The following PHF20 variants were observed in gnomAD, a reference collection of about 807,000 sequenced individuals.
PHF20 encodes glioma-expressed antigen 2.
In PHF20, 23 loss-of-function variants were observed where a neutral mutation model predicts 113.5. That is an observed-to-expected ratio of 0.20 (90% CI 0.15 to 0.29). The LOEUF (loss-of-function observed/expected upper bound fraction) is 0.29, where lower values mean the gene tolerates loss of function less well. Among genes scored for constraint, PHF20 ranks in the 10% least tolerant of loss-of-function variants. The pLI, the probability that PHF20 is intolerant of heterozygous loss-of-function variation, is 1.00. For synonymous variants in PHF20, 434 were observed against 457.3 expected (o/e 0.95, Z 0.65); for missense variants, 943 against 1,219.6 (o/e 0.77, Z 3.38).
intron 4 of PHF20, among the ~76,000 whole-genome samples, chr20:35,851,454 G>A (rs536489488): frequency 9.9e-5 from 15 of 152,160 alleles, no homozygotes; most frequent in African/African-American, 3.6e-4. Flanking sequence ...TTTGAAATGT[G>A]GGGAGGCTGA....
chr20:35,774,510 C>G (rs568632529), intron 1 of PHF20: 1 of 152,354 alleles, frequency 6.6e-6, no homozygotes, highest in South Asian at 2.1e-4. Context: ...GCTTCTCAGC[C>G]TGAACCCCCA....
At chr20:35,881,266 C>T (rs1269087983) in intron 9 of PHF20, among the ~76,000 whole-genome samples, 6 of 151,930 alleles carry the variant, frequency 3.9e-5, no homozygotes, top group Non-Finnish European at 7.4e-5. Context: ...CCATGTTGGC[C>T]AGGCTAGTCT....
intron 1 of PHF20, among the ~76,000 whole-genome samples, chr20:35,786,243 T>C (rs7275129): frequency 0.049 from 7,246 of 148,066 alleles, 212 homozygotes; most frequent in African/African-American, 0.092. Context: ...AAAAAAAAAT[T>C]AGTTGGGTGT....
At chr20:35,805,800 A>G (rs1294889924) in intron 2 of PHF20, among the ~76,000 whole-genome samples, 1 of 151,988 alleles carries the variant, frequency 6.6e-6, no homozygotes, top group Non-Finnish European at 1.5e-5. Flanking sequence ...TAACTGAAAC[A>G]CAAATTTTAT....
chr20:35,844,318 G>A (rs1043470411), intron 3 of PHF20, among the ~76,000 whole-genome samples: 4 of 151,528 alleles, frequency 2.6e-5, no homozygotes, highest in African/African-American at 9.7e-5. Context: ...TAGCCATGAT[G>A]GTCTCGATTT....
intron 2 of PHF20, among the ~76,000 whole-genome samples, chr20:35,820,403 A>G (rs1465551695): frequency 6.6e-6 from 1 of 151,666 alleles, no homozygotes; most frequent in Non-Finnish European, 1.5e-5. Flanking sequence ...ATATATATAG[A>G]TAATGTTAGG....
intron 2 of PHF20, among the ~76,000 whole-genome samples, chr20:35,815,038 A>G (rs2042046988): frequency 6.6e-6 from 1 of 151,360 alleles, no homozygotes; most frequent in South Asian, 2.1e-4. Context: ...TCTACTAAAA[A>G]TACAAAAATT....
chr20:35,837,712 T>C (rs1306044190), intron 2 of PHF20, among the ~76,000 whole-genome samples: 3 of 152,186 alleles, frequency 2.0e-5, no homozygotes, highest in Admixed American at 2.0e-4. Context: ...CCAGAACACA[T>C]GTTTGTATAA....
rs2055290750 is a variant in PHF20, at chr20:35,911,052, A to AT, written c.1562-2191dup. On this transcript the variant is annotated intron_variant, in intron 10 of 17. Transcript: ENST00000374012. ...TGTTCGTACCTTTTTTTCTATTTTTATTTTTTGAGACGGAGTCTTGCACTG... is the reference window on the plus strand; with the variant it reads ...TGTTCGTACCTTTTTTTCTATTTTTATTTTTTTGAGACGGAGTCTTGCACTG... Among the ~76,000 whole-genome samples, 3 of 149,888 alleles carry AT rather than the reference A, an allele frequency of 2.0e-5. No individual in the cohort carries two copies. In the South Asian group the frequency reaches 6.4e-4, roughly 32 times the overall value.
chr20:35,825,894 C>T (rs916831172), intron 2 of PHF20, among the ~76,000 whole-genome samples: 10 of 152,090 alleles, frequency 6.6e-5, no homozygotes, highest in Admixed American at 1.3e-4. Flanking sequence ...AAATGTGTAG[C>T]TTGATGAACT....
At chr20:35,817,429 C>T (rs557848745) in intron 2 of PHF20, among the ~76,000 whole-genome samples, 1 of 152,130 alleles carries the variant, frequency 6.6e-6, no homozygotes, top group African/African-American at 2.4e-5. Flanking sequence ...TCAGGTGATC[C>T]ACCTGCCTCG....
At chr20:35,847,640 C>T (rs754799322) in intron 4 of PHF20, among the ~76,000 whole-genome samples, 1 of 151,964 alleles carries the variant, frequency 6.6e-6, no homozygotes, top group Non-Finnish European at 1.5e-5. Flanking sequence ...GACTTTTTAC[C>T]CCCTGAATTT....
At chr20:35,831,553 C>A (rs2042359103) in intron 2 of PHF20, among the ~76,000 whole-genome samples, 1 of 152,158 alleles carries the variant, frequency 6.6e-6, no homozygotes, top group South Asian at 2.1e-4. Context: ...CAGCCTCAAA[C>A]TCTTGGGCTC....
intron 2 of PHF20, among the ~76,000 whole-genome samples, chr20:35,805,937 C>T (rs1046478606): frequency 5.9e-5 from 9 of 151,868 alleles, no homozygotes; most frequent in African/African-American, 2.2e-4. Flanking sequence ...TCTTGGCTCA[C>T]TGCAACCTCC....
chr20:35,878,258 G>C (rs1241399459), intron 9 of PHF20, among the ~76,000 whole-genome samples: 6 of 152,158 alleles, frequency 3.9e-5, no homozygotes, highest in Non-Finnish European at 8.8e-5. Flanking sequence ...AGGTCTTTCT[G>C]TCCAGACGAA....
At chr20:35,856,405 C>G (rs1404069934) in intron 4 of PHF20, 1 of 152,184 alleles carries the variant, frequency 6.6e-6, no homozygotes, top group Non-Finnish European at 1.5e-5. Context: ...GTGCCCTGTT[C>G]CCAGTTGCTG....
chr20:35,807,826 A>G (rs928773906), intron 2 of PHF20, among the ~76,000 whole-genome samples: 13 of 152,214 alleles, frequency 8.5e-5, no homozygotes, highest in Admixed American at 5.2e-4. Flanking sequence ...GTTATTTGAT[A>G]TTAAAGAATC....
intron 9 of PHF20, among the ~76,000 whole-genome samples, chr20:35,876,282 A>G (rs2147000754): frequency 6.6e-6 from 1 of 152,234 alleles, no homozygotes; most frequent in Non-Finnish European, 1.5e-5. Flanking sequence ...TAAAAGCCAG[A>G]AGAGATGGCC....
At chr20:35,804,085 A>G (rs944669143) in intron 2 of PHF20, among the ~76,000 whole-genome samples, 10 of 151,608 alleles carry the variant, frequency 6.6e-5, no homozygotes, top group Admixed American at 2.6e-4. Flanking sequence ...TTGTTTGTTT[A>G]TTTATTTATG....
Sources: allele counts gnomAD v4.1 joint callset (sites outside exome capture counted in the v4.1 genomes callset), GRCh38; gene constraint gnomAD v4.1.1; transcripts MANE v1.5; gene names NCBI Gene and HGNC (gene_info 2026-07-23, HGNC 2026-07-21).